Variants in SLC25A26 observed in about 807,000 individuals in gnomAD.
SLC25A26 encodes the protein mitochondrial S-adenosylmethionine carrier protein.
In SLC25A26, 36 loss-of-function variants were observed where a neutral mutation model predicts 37.8. That is an observed-to-expected ratio of 0.95 (90% CI 0.73 to 1.26). SLC25A26 has a LOEUF of 1.26. SLC25A26 is among the 50% of genes most tolerant of loss of function. The probability of loss-of-function intolerance (pLI) is 0.00; values close to 1 mark genes in which losing one functional copy is unlikely to be tolerated. For synonymous variants in SLC25A26, 129 were observed against 122.5 expected, an observed-to-expected ratio of 1.05 and a Z score of -0.35; for missense variants, 390 against 331.1, an observed-to-expected ratio of 1.18 and a Z score of -1.38.
intron 5 of SLC25A26, among the ~76,000 whole-genome samples, chr3:66,276,220 C>T (rs1019560113): frequency 6.6e-6 from 1 of 152,066 alleles, no homozygotes; most frequent in South Asian, 2.1e-4. Flanking sequence ...AAGACATCAG[C>T]CTGTTTGTAC....
chr3:66,184,585 C>CTGCTCACCTTGAGTTTACTATGAATTACA (rs1553652591), intron 1 of SLC25A26, among the ~76,000 whole-genome samples: 1 of 128,136 alleles, frequency 7.8e-6, no homozygotes, highest in Non-Finnish European at 1.7e-5. Context: ...TCACCTGACT[C>CTGCTCACCTTGAGTTTACTATGAATTACA]TGCTCACCTT....
At chr3:66,206,449 G>A (rs1036465868) in intron 1 of SLC25A26, among the ~76,000 whole-genome samples, 7 of 152,156 alleles carry the variant, frequency 4.6e-5, no homozygotes, top group East Asian at 3.9e-4. Flanking sequence ...ATTACTGCCT[G>A]GAGCTGGGCA....
intron 5 of SLC25A26, among the ~76,000 whole-genome samples, chr3:66,280,203 C>G (rs1441642586): frequency 1.3e-5 from 2 of 152,142 alleles, no homozygotes; most frequent in South Asian, 2.1e-4. Flanking sequence ...ATAGTTGCCT[C>G]TTGGTAAGTG....
At chr3:66,374,882 A>AAG (rs1368399962) in intron 9 of SLC25A26, among the ~76,000 whole-genome samples, 2 of 151,932 alleles carry the variant, frequency 1.3e-5, no homozygotes, top group Non-Finnish European at 2.9e-5. Context: ...CTATCTCAAA[A>AAG]AAAAAAATTA....
intron 1 of SLC25A26, among the ~76,000 whole-genome samples, chr3:66,160,426 C>G (rs2070341641): frequency 6.6e-6 from 1 of 152,178 alleles, no homozygotes; most frequent in Non-Finnish European, 1.5e-5. Flanking sequence ...AAAACACTGT[C>G]AAGATGACTG....
chr3:66,222,023 C>T (rs1253851085), intron 1 of SLC25A26, among the ~76,000 whole-genome samples: 1 of 151,864 alleles, frequency 6.6e-6, no homozygotes, highest in Non-Finnish European at 1.5e-5. Context: ...AGTAAAATGA[C>T]TGTTGGGATA....
chr3:66,174,688 A>G (rs2070550327), intron 1 of SLC25A26, among the ~76,000 whole-genome samples: 1 of 151,794 alleles, frequency 6.6e-6, no homozygotes, highest in Non-Finnish European at 1.5e-5. Context: ...CGGGAGGCTG[A>G]GGCAGGAGAA....
rs1022368465 is a variant in SLC25A26 at position 66,195,877 on chromosome 3, T to A, written c.-353-24865T>A. On this transcript the variant is annotated intron_variant, in intron 1 of 10. Coordinates refer to the SLC25A26 transcript ENST00000676754. ...TTACATGGAAGACCTAAATTCTAAT[T>A]ATTCACTTGGCAAATTATTTATGTA... Among the ~76,000 whole-genome samples the A allele has an allele frequency of 8.7e-4, 132 of 152,344 alleles. 1 individual carries two copies. In the East Asian group the frequency reaches 0.02, roughly 24 times the overall value.
In SLC25A26 at chr3:66,378,305, T is replaced by G. The variant is rs1700800357; in HGVS notation, c.*498T>G. ...GCTTTGTTGAAAAAGAAAGAAAGATTGAACTACAGGTGCATAGCAAGCACT... is the reference window on the plus strand; with the variant it reads ...GCTTTGTTGAAAAAGAAAGAAAGATGGAACTACAGGTGCATAGCAAGCACT... On this transcript the variant is annotated 3_prime_UTR_variant, in exon 10 of 10. Coordinates refer to ENST00000354883, the MANE Select transcript of SLC25A26 (RefSeq NM_001379210.1). 1 of 153,042 alleles carries G rather than the reference T, an allele frequency of 6.5e-6. No homozygotes were observed. Among genetic ancestry groups the G allele is most frequent in the Admixed American group, 6.5e-5 (1 of 15,336 alleles). The allele number at this position is 153,042 out of a possible 1,614,324, so 9.5% of individuals were successfully genotyped here. A position where few individuals can be genotyped will look rare whatever the true frequency, so the allele number is the denominator to read the frequency against.
intron 1 of SLC25A26, among the ~76,000 whole-genome samples, chr3:66,171,143 G>C (rs1165271237): frequency 6.6e-6 from 1 of 152,162 alleles, no homozygotes; most frequent in African/African-American, 2.4e-5. Flanking sequence ...TGTGTTAGAA[G>C]AGTTGGCAGC....
intron 1 of SLC25A26, among the ~76,000 whole-genome samples, chr3:66,179,193 T>C (rs1479238409): frequency 6.6e-6 from 1 of 152,224 alleles, no homozygotes; most frequent in Non-Finnish European, 1.5e-5. Context: ...CTTTAAATGT[T>C]TTTAAATGAA....
intron 1 of SLC25A26, among the ~76,000 whole-genome samples, chr3:66,227,914 T>A (rs2071831804): frequency 6.6e-6 from 1 of 152,174 alleles, no homozygotes; most frequent in South Asian, 2.1e-4. Context: ...TTTGTTGTTT[T>A]TCTTGTTTTG....
intron 1 of SLC25A26, among the ~76,000 whole-genome samples, chr3:66,229,206 G>A (rs2071895307): frequency 6.6e-6 from 1 of 152,158 alleles, no homozygotes; most frequent in African/African-American, 2.4e-5. Context: ...CATATAACAG[G>A]TTCATCTGAT....
chr3:66,158,278 G>A (rs1238646541), intron 1 of SLC25A26, among the ~76,000 whole-genome samples: 1 of 152,078 alleles, frequency 6.6e-6, no homozygotes, highest in Admixed American at 6.6e-5. Flanking sequence ...CTATGTTGTA[G>A]CATGTATTAT....
chr3:66,135,555 C>G (rs1209040662), intron 1 of SLC25A26, among the ~76,000 whole-genome samples: 2 of 152,168 alleles, frequency 1.3e-5, no homozygotes, highest in Non-Finnish European at 2.9e-5. Context: ...ATTGCTTGAG[C>G]TCACGAGTTT....
intron 5 of SLC25A26, among the ~76,000 whole-genome samples, chr3:66,337,364 T>C (rs1047856024): frequency 6.6e-6 from 1 of 152,088 alleles, no homozygotes; most frequent in Non-Finnish European, 1.5e-5. Flanking sequence ...ACAGCTAGAA[T>C]GTCCTACACA....
intron 5 of SLC25A26, among the ~76,000 whole-genome samples, chr3:66,299,425 A>C (rs1047758260): frequency 2.6e-5 from 4 of 152,158 alleles, no homozygotes; most frequent in African/African-American, 9.7e-5. Flanking sequence ...CCTGGCCTCA[A>C]GTGATCTGCT....
In SLC25A26 at chr3:66,175,138, TATAC is replaced by T. The variant is rs1315852031; in HGVS notation, c.-354+41156_-354+41159del. Among the ~76,000 whole-genome samples the T allele has an allele frequency of 3.3e-3, 213 of 64,218 alleles. 1 individual carries two copies. Among genetic ancestry groups the T allele is most frequent in the East Asian group, 0.016 (48 of 2,964 alleles). The allele number at this position is 64,218 out of a possible 152,430, so 42.1% of individuals were successfully genotyped here. A position where few individuals can be genotyped will look rare whatever the true frequency, so the allele number is the denominator to read the frequency against. On this transcript the variant is annotated intron_variant, in intron 1 of 10. Transcript: ENST00000676754. ...ATATATATATATATATATATATATA[TATAC>T]ACACACACACACACACACATTATAT...
At chr3:66,315,657 G>T (rs1230679990) in intron 5 of SLC25A26, among the ~76,000 whole-genome samples, 1 of 152,080 alleles carries the variant, frequency 6.6e-6, no homozygotes, top group Non-Finnish European at 1.5e-5. Flanking sequence ...CTGAGTTCAG[G>T]TCCTGAATAT....
Sources: allele counts gnomAD v4.1 joint callset (sites outside exome capture counted in the v4.1 genomes callset), GRCh38; gene constraint gnomAD v4.1.1; transcripts MANE v1.5; gene names NCBI Gene and HGNC (gene_info 2026-07-23, HGNC 2026-07-21).